DRICH1: variants seen among roughly 807,000 people sequenced by gnomAD.
DRICH1 encodes the protein aspartate-rich protein 1.
A neutral mutation model predicts 39.5 loss-of-function variants in DRICH1; 38 were observed. The ratio of observed to expected loss-of-function variants is 0.96; its 90% CI spans 0.74 to 1.26. The LOEUF (loss-of-function observed/expected upper bound fraction) is 1.26. DRICH1 is among the 50% of genes most tolerant of loss of function. The pLI is 0.00. For missense variants in DRICH1, 279 were observed against 270.4 expected (o/e 1.03, Z -0.22); for synonymous variants, 84 against 99.5 (o/e 0.84, Z 0.93).
rs1927569646 is a variant in DRICH1 at position 23,619,347 on chromosome 22, A to G, written c.436+17T>C. 2.6e-6 allele frequency: 2 copies of G among 780,642 alleles called. No individual in the cohort carries two copies. Among genetic ancestry groups the G allele is most frequent in the African/African-American group, 3.4e-5 (2 of 59,132 alleles). 48.4% of individuals were successfully genotyped at this position (780,642 alleles called of 1,614,324 possible). On this transcript the variant is annotated intron_variant, in intron 6 of 11. Coordinates refer to ENST00000317749, the MANE Select transcript of DRICH1 (RefSeq NM_016449.4). ...ATGACTAACACACAATACTACACAC[A>G]TGATCTACAGACTCACAAGAACTGC... is the stretch of plus-strand genomic sequence containing the variant.
At chr22:23,595,684 G>A in the DRICH1 span, among the ~76,000 whole-genome samples, 4 of 152,226 alleles carry the variant, frequency 2.6e-5, no homozygotes, top group African/African-American at 9.6e-5. Context: ...ACCAACTCAG[G>A]AGGCTGCCCC....
At chr22:23,611,616 T>A (rs569738227) in intron 11 of DRICH1, among the ~76,000 whole-genome samples, 28 of 152,132 alleles carry the variant, frequency 1.8e-4, no homozygotes, top group African/African-American at 6.5e-4. Context: ...TGGTCTCGAT[T>A]TCCTGACCTC....
the DRICH1 span, among the ~76,000 whole-genome samples, chr22:23,593,664 T>G: frequency 6.7e-6 from 1 of 148,976 alleles, no homozygotes; most frequent in Non-Finnish European, 1.5e-5. Context: ...CTGGGCATGA[T>G]GTCGCGCGCC....
At chr22:23,613,379 C>T (rs933365498) in intron 10 of DRICH1, 49 bp from the exon 11 acceptor site, 5 of 1,442,024 alleles carry the variant, frequency 3.5e-6, no homozygotes, top group Admixed American at 3.3e-5. Flanking sequence ...AGTGACTCAC[C>T]CACTCCTCCT....
chr22:23,610,374 C>T (rs1049386919), intron 11 of DRICH1: 53 of 152,346 alleles, frequency 3.5e-4, no homozygotes, highest in African/African-American at 1.3e-3. Context: ...GTGTGAGCAC[C>T]TCTATGCCAT....
chr22:23,613,435 A>G (rs1397725841), intron 10 of DRICH1, 105 bp from the exon 11 acceptor site: 2 of 1,005,958 alleles, frequency 2.0e-6, no homozygotes, highest in African/African-American at 3.2e-5. Context: ...CTCCCACTCC[A>G]TGCTGCTTCA....
the DRICH1 span, among the ~76,000 whole-genome samples, chr22:23,598,091 C>G: frequency 6.6e-6 from 1 of 150,470 alleles, no homozygotes; most frequent in African/African-American, 2.5e-5. Flanking sequence ...GTGAATCCCC[C>G]ACCCCCATCC....
At chr22:23,615,714 A>T (rs908456787) in intron 8 of DRICH1, among the ~76,000 whole-genome samples, 2 of 152,240 alleles carry the variant, frequency 1.3e-5, no homozygotes, top group African/African-American at 4.8e-5. Flanking sequence ...ATGTTAAAAC[A>T]ATAGTGTTAG....
the DRICH1 span, among the ~76,000 whole-genome samples, chr22:23,597,075 T>C: frequency 9.5e-5 from 14 of 147,956 alleles, no homozygotes; most frequent in South Asian, 2.6e-3. Flanking sequence ...AAGTAACTTA[T>C]TTATCAATAT....
Position 23,625,985 on chromosome 22 carries a change from G to C in DRICH1, c.272C>G (p.Ala91Gly). 6.2e-7 allele frequency: 1 copy of C among 1,609,642 alleles called. No homozygotes were observed. Among genetic ancestry groups the C allele is most frequent in the Admixed American group, 1.7e-5 (1 of 59,724 alleles). Residue 91 changes from alanine to glycine, a missense_variant, in exon 2 of 12, where the codon GCC becomes GGC. Ala to Gly is a moderately conservative substitution (Grantham distance 60). Coordinates refer to ENST00000317749, the MANE Select transcript of DRICH1 (RefSeq NM_016449.4). ...LPSSEEDNDD[A>G]KILPSPVQGS... Reference sequence around the variant, plus strand: ...GGCAAAGAAAGGGGGTCTTACCTTGGCATCATCATTGTCTTCCTCACTTGA... The same window carrying C: ...GGCAAAGAAAGGGGGTCTTACCTTGCCATCATCATTGTCTTCCTCACTTGA...
intron 3 of DRICH1, among the ~76,000 whole-genome samples, chr22:23,623,038 AT>A (rs1454480606): frequency 6.6e-6 from 1 of 152,234 alleles, no homozygotes; most frequent in East Asian, 1.9e-4. Flanking sequence ...GAAAAGCGTG[AT>A]TTTTTGGTTA....
chr22:23,624,794 A>AT (rs1306177112), intron 3 of DRICH1, 89 bp downstream of exon 3: 13 of 1,465,438 alleles, frequency 8.9e-6, no homozygotes, highest in African/African-American at 8.4e-5. Context: ...GACCCCCAAT[A>AT]TTTTTTAACA....
rs117868599 is a variant in DRICH1, at chr22:23,621,552, A to G, written c.384+539T>C. ...ACACTAGGGGATAAATTGCTTGTTG[A>G]AACTGTGCTGGGTGTGTCTGCCCAT... On this transcript the variant is annotated intron_variant, in intron 4 of 11. Coordinates refer to ENST00000317749, the MANE Select transcript of DRICH1 (RefSeq NM_016449.4). Among the ~76,000 whole-genome samples the G allele has an allele frequency of 8.1e-3, 1,230 of 152,226 alleles. 28 individuals carry two copies. Among genetic ancestry groups the G allele is most frequent in the East Asian group, 0.079 (406 of 5,166 alleles).
chr22:23,592,333 T>C, the DRICH1 span, among the ~76,000 whole-genome samples: 4 of 151,976 alleles, frequency 2.6e-5, no homozygotes, highest in African/African-American at 9.7e-5. Flanking sequence ...GGCAGCAGCC[T>C]CAGGTAAGGC....
intron 8 of DRICH1, 23 bp downstream of exon 8, chr22:23,616,830 G>C (rs1285357028): frequency 6.2e-7 from 1 of 1,613,750 alleles, no homozygotes; most frequent in Non-Finnish European, 8.5e-7. Context: ...TTCTCAGAAA[G>C]TGAGTTAGTT....
chr22:23,617,590 ATCATCATCACAG>A lies in DRICH1; in HGVS notation c.492_503del (p.Cys165_Asp168del). 6.2e-7 allele frequency: 1 copy of A among 1,614,130 alleles called. No homozygotes were observed. Among genetic ancestry groups the A allele is most frequent in the East Asian group, 2.2e-5 (1 of 44,886 alleles). ...GTTGTCTTACCTGGGCATCATCATCATCATCATCACAGTCATCATCTTCACTTCGTGGTAGGC... is the reference window on the plus strand; with the variant it reads ...GTTGTCTTACCTGGGCATCATCATCATCATCATCTTCACTTCGTGGTAGGC... On this transcript the variant is annotated inframe_deletion, in exon 7 of 12. Coordinates refer to ENST00000317749, the MANE Select transcript of DRICH1 (RefSeq NM_016449.4).
At chr22:23,596,356 A>G in the DRICH1 span, among the ~76,000 whole-genome samples, 1 of 151,932 alleles carries the variant, frequency 6.6e-6, no homozygotes, top group Non-Finnish European at 1.5e-5. Flanking sequence ...GATCTACTGG[A>G]CTCAAGGACC....
the DRICH1 span, among the ~76,000 whole-genome samples, chr22:23,591,621 T>C: frequency 6.6e-6 from 1 of 152,154 alleles, no homozygotes; most frequent in South Asian, 2.1e-4. Flanking sequence ...AAGGGCAGGT[T>C]GAGCCTCAGC....
the DRICH1 span, among the ~76,000 whole-genome samples, chr22:23,589,890 C>A: frequency 6.6e-6 from 1 of 152,190 alleles, no homozygotes; most frequent in South Asian, 2.1e-4. Flanking sequence ...ACTGTTACCA[C>A]AGGACATGAA....
Sources: allele counts gnomAD v4.1 joint callset (sites outside exome capture counted in the v4.1 genomes callset), GRCh38; gene constraint gnomAD v4.1.1; transcripts MANE v1.5; gene names NCBI Gene and HGNC (gene_info 2026-07-23, HGNC 2026-07-21).